CAMSAP2: variants seen among roughly 807,000 people sequenced by gnomAD.
CAMSAP2 encodes calmodulin regulated spectrin associated protein family member 2, also known as calmodulin-regulated spectrin-associated protein 2.
A neutral mutation model predicts 146.1 loss-of-function variants in CAMSAP2; 26 were observed. The observed-to-expected ratio is 0.18, with a 90% CI of 0.13 to 0.25. The LOEUF (loss-of-function observed/expected upper bound fraction) is 0.25, where lower values mean the gene tolerates loss of function less well. Among genes scored for constraint, CAMSAP2 ranks in the 10% least tolerant of loss-of-function variants. CAMSAP2 has a pLI of 1.00. For synonymous variants in CAMSAP2, 499 were observed against 596.6 expected, an observed-to-expected ratio of 0.84 and a Z score of 2.38; for missense variants, 1,381 against 1,759.3, an observed-to-expected ratio of 0.78 and a Z score of 3.85.
chr1:200,764,115 G>A (rs1342476493), intron 2 of CAMSAP2, among the ~76,000 whole-genome samples: 3 of 152,076 alleles, frequency 2.0e-5, no homozygotes, highest in African/African-American at 4.8e-5. Context: ...TAAAGTAAGA[G>A]TTAATGTAAA....
chr1:200,756,442 G>T (rs953831979), intron 1 of CAMSAP2, among the ~76,000 whole-genome samples: 24 of 151,268 alleles, frequency 1.6e-4, no homozygotes, highest in African/African-American at 5.3e-4. Flanking sequence ...GACAGAGTGA[G>T]ACTCTTTCTC....
intron 2 of CAMSAP2, among the ~76,000 whole-genome samples, chr1:200,798,209 C>T (rs1415285740): frequency 6.7e-6 from 1 of 148,658 alleles, no homozygotes; most frequent in Non-Finnish European, 1.5e-5. Flanking sequence ...TGAAGAAAGT[C>T]ATTGGTAGCT....
intron 1 of CAMSAP2, among the ~76,000 whole-genome samples, chr1:200,757,729 C>T (rs186164200): frequency 6.6e-6 from 1 of 152,056 alleles, no homozygotes; most frequent in East Asian, 1.9e-4. Flanking sequence ...TTTAAAATGA[C>T]CTATTTTATA....
intron 4 of CAMSAP2, among the ~76,000 whole-genome samples, chr1:200,829,508 G>A (rs1356880079): frequency 6.6e-6 from 1 of 152,134 alleles, no homozygotes; most frequent in African/African-American, 2.4e-5. Context: ...ACCAGTAGCG[G>A]ACCAAAACCA....
chr1:200,757,079 T>G (rs1044050319), intron 1 of CAMSAP2, among the ~76,000 whole-genome samples: 1 of 152,232 alleles, frequency 6.6e-6, no homozygotes, highest in African/African-American at 2.4e-5. Context: ...GGCTTACTTT[T>G]AATTGGAGTT....
chr1:200,814,747 G>A (rs557396917), intron 3 of CAMSAP2, among the ~76,000 whole-genome samples: 2 of 151,826 alleles, frequency 1.3e-5, no homozygotes, highest in African/African-American at 4.8e-5. Flanking sequence ...TTATACTGCA[G>A]AGTTGAGTTT....
intron 2 of CAMSAP2, among the ~76,000 whole-genome samples, chr1:200,766,484 A>G (rs964648884): frequency 1.3e-5 from 2 of 152,040 alleles, no homozygotes; most frequent in Admixed American, 6.6e-5. Flanking sequence ...ACACTTTAAC[A>G]CTCTATCTTA....
intron 2 of CAMSAP2, among the ~76,000 whole-genome samples, chr1:200,800,972 T>C (rs1420033427): frequency 6.6e-6 from 1 of 152,150 alleles, no homozygotes; most frequent in Non-Finnish European, 1.5e-5. Flanking sequence ...TTCTTTTCTT[T>C]AAGAAGGTTG....
At chr1:200,751,329 T>G (rs1664500237) in intron 1 of CAMSAP2, among the ~76,000 whole-genome samples, 1 of 151,654 alleles carries the variant, frequency 6.6e-6, no homozygotes, top group African/African-American at 2.4e-5. Context: ...TCAGTGTATA[T>G]CTCCTATAAA....
rs1667417563 is a variant in CAMSAP2, at chr1:200,844,763, T to A, written c.1022-19T>A. 2.7e-6 allele frequency: 4 copies of A among 1,485,118 alleles called. No individual in the cohort carries two copies. The highest frequency in any genetic ancestry group is 2.6e-5 in the South Asian group (2 of 77,088). 92.0% of individuals were successfully genotyped at this position (1,485,118 alleles called of 1,614,324 possible). Reference sequence around the variant, plus strand: ...AAATATGCTAATTTGAGGGTGTTTTTAAAAATCTTTTATTCCAGCTGAACC... The same window carrying A: ...AAATATGCTAATTTGAGGGTGTTTTAAAAAATCTTTTATTCCAGCTGAACC... On this transcript the variant is annotated intron_variant, in intron 7 of 16. Transcript: ENST00000358823.
chr1:200,840,556 G>A lies in CAMSAP2; in HGVS notation c.928-1438G>A, dbSNP rs995871779. Among the ~76,000 whole-genome samples the A allele has an allele frequency of 6.6e-5, 10 of 152,094 alleles. No individual in the cohort carries two copies. In the East Asian group the frequency reaches 7.7e-4, roughly 12 times the overall value. ...TGGGATTACAGGCATGAGCCACTGCGCCCAGCCTCTTTTCTTCACTTTCTA... is the reference window on the plus strand; with the variant it reads ...TGGGATTACAGGCATGAGCCACTGCACCCAGCCTCTTTTCTTCACTTTCTA... On this transcript the variant is annotated intron_variant, in intron 6 of 16. Coordinates refer to ENST00000358823, the MANE Select transcript of CAMSAP2 (RefSeq NM_203459.4).
chr1:200,747,986 C>CAA lies in CAMSAP2; in HGVS notation c.139+8038_139+8039dup, dbSNP rs901478330. Reference sequence around the variant, plus strand: ...TGGGCGACAGAGCGAGACTCCGTCTCAAAAAAAAAAAAAAAAAAAGAAAAT... The same window carrying CAA: ...TGGGCGACAGAGCGAGACTCCGTCTCAAAAAAAAAAAAAAAAAAAAAGAAAAT... On this transcript the variant is annotated intron_variant, in intron 1 of 16. Coordinates refer to ENST00000358823, the MANE Select transcript of CAMSAP2 (RefSeq NM_203459.4). Among the ~76,000 whole-genome samples, 496 of 68,632 alleles carry CAA rather than the reference C, an allele frequency of 7.2e-3. 13 individuals are homozygous for CAA. In the South Asian group the frequency reaches 0.079, roughly 11 times the overall value. The allele number at this position is 68,632 out of a possible 152,430, so 45.0% of individuals were successfully genotyped here.
rs548113984 is a variant in CAMSAP2, at chr1:200,832,026, G to A, written c.646-174G>A. On this transcript the variant is annotated intron_variant, in intron 4 of 16. Coordinates refer to ENST00000358823, the MANE Select transcript of CAMSAP2 (RefSeq NM_203459.4). The surrounding 1 kb of genome is among the most constrained non-coding windows in gnomAD (Gnocchi z 4.2). Reference sequence around the variant, plus strand: ...CTTCAAAACTATAGCTATTGTTGCCGTGTATTTAACTTTGGTAATACCTAG... The same window carrying A: ...CTTCAAAACTATAGCTATTGTTGCCATGTATTTAACTTTGGTAATACCTAG... The A allele has an allele frequency of 3.9e-5, 21 of 536,056 alleles. No homozygotes were observed. The highest frequency in any genetic ancestry group is 1.4e-4 in the Admixed American group (4 of 28,008). The allele number at this position is 536,056 out of a possible 1,614,324, so 33.2% of individuals were successfully genotyped here.
chr1:200,816,870 GTACACACACACGCGTGTGTA>G (rs1666544782), intron 4 of CAMSAP2, among the ~76,000 whole-genome samples: 1 of 66,088 alleles, frequency 1.5e-5, no homozygotes, highest in Non-Finnish European at 3.1e-5. Flanking sequence ...GTGTATGTGT[GTACACACACACGCGTGTGTA>G]TGTGTGTACA....
intron 2 of CAMSAP2, among the ~76,000 whole-genome samples, chr1:200,791,424 A>G (rs1314466385): frequency 1.3e-5 from 2 of 152,124 alleles, no homozygotes; most frequent in Non-Finnish European, 2.9e-5. Flanking sequence ...AATTGGAAAA[A>G]TTTCAGCCAT....
intron 2 of CAMSAP2, among the ~76,000 whole-genome samples, chr1:200,785,677 A>ACGGCACCCAGCCAATT (rs1244585619): frequency 1.3e-5 from 2 of 149,722 alleles, no homozygotes; most frequent in African/African-American, 2.5e-5. Context: ...GGCGTGAGCC[A>ACGGCACCCAGCCAATT]TGTGCCTGGC....
In CAMSAP2 at chr1:200,853,254, T is replaced by C; in HGVS notation, c.3603-21T>C. The stretch of plus-strand genomic sequence containing the variant: ...TGTCTTTGGTATGCAGAATAAGAAC[T>C]GTAACCATTTGATTTCTTAGGCGTA... On this transcript the variant is annotated intron_variant, in intron 12 of 16. Coordinates refer to ENST00000358823, the MANE Select transcript of CAMSAP2 (RefSeq NM_203459.4). This position sits in a 1 kb window ranked among gnomAD's most constrained non-coding sequence, Gnocchi z 5.1. 6.2e-7 allele frequency: 1 copy of C among 1,603,682 alleles called. No individual in the cohort carries two copies.
intron 1 of CAMSAP2, among the ~76,000 whole-genome samples, chr1:200,746,620 AT>A (rs35083171): frequency 0.3 from 42,579 of 141,272 alleles, 6,806 homozygotes; most frequent in East Asian, 0.51. Context: ...CACTAGTCAC[AT>A]TTTTTTTTTT....
rs28710450 is a variant in CAMSAP2 at position 200,780,514 on chromosome 1, A to G, written c.399+19416A>G. ...ATTTCAAGTAAGTATAAGTTCTGGT[A>G]CCCACCAGATCTACAATTCCTGATA... On this transcript the variant is annotated intron_variant, in intron 2 of 16. Transcript: ENST00000358823. 9.8e-3 allele frequency among the ~76,000 whole-genome samples: 1,493 copies of G among 152,272 alleles called. 24 individuals are homozygous for G. The highest frequency in any genetic ancestry group is 0.033 in the African/African-American group (1,382 of 41,544).
Sources: allele counts gnomAD v4.1 joint callset (sites outside exome capture counted in the v4.1 genomes callset), GRCh38; gene constraint gnomAD v4.1.1; non-coding constraint Gnocchi (gnomAD v3.1); transcripts MANE v1.5; gene names NCBI Gene and HGNC (gene_info 2026-07-23, HGNC 2026-07-21).